The following PLAAT3 variants were observed in gnomAD, a reference collection of about 807,000 sequenced individuals.
PLAAT3 encodes the protein phospholipase A and acyltransferase 3, also known as Ca-independent phospholipase A1/2.
In PLAAT3, 21 loss-of-function variants were observed where a neutral mutation model predicts 16.7. That is an observed-to-expected ratio of 1.26 (90% CI 0.89 to 1.81). The LOEUF is 1.81. Among genes scored for constraint, PLAAT3 ranks in the 40% most tolerant of loss-of-function variants. The pLI, the probability that PLAAT3 is intolerant of heterozygous loss-of-function variation, is 0.00. For synonymous variants in PLAAT3, 76 were observed against 81.7 expected, an observed-to-expected ratio of 0.93 and a Z score of 0.38; for missense variants, 219 against 213.7, an observed-to-expected ratio of 1.02 and a Z score of -0.16.
At chr11:63,593,661 T>C (rs1261507227) in intron 3 of PLAAT3, among the ~76,000 whole-genome samples, 1 of 124,138 alleles carries the variant, frequency 8.1e-6, no homozygotes, top group African/African-American at 2.7e-5. Context: ...CTCCGCCTCC[T>C]GCTCGTGCCT....
At chr11:63,596,931 A>C (rs1416694220) in intron 3 of PLAAT3, among the ~76,000 whole-genome samples, 1 of 151,806 alleles carries the variant, frequency 6.6e-6, no homozygotes, top group Admixed American at 6.6e-5. Context: ...ATCCATCTCT[A>C]CTAAAAATAG....
chr11:63,590,193 C>T lies in PLAAT3; in HGVS notation c.294G>A (p.Glu98=). 6.2e-7 allele frequency: 1 copy of T among 1,614,234 alleles called. No homozygotes were observed. The highest frequency in any genetic ancestry group is 1.1e-5 in the South Asian group (1 of 91,084). ...TGTAGAGCACCTCCTGCCCCACCAG[C>T]TCCTCCGCCCGCTGGATGATTTTGC... is the stretch of plus-strand genomic sequence containing the variant. ...PCSKIIQRAE[E]LVGQEVLYKL... The change falls in exon 4 of 5, where the codon GAG becomes GAA. Residue 98 remains glutamate (E), a synonymous_variant. Coordinates refer to ENST00000415826, the MANE Select transcript of PLAAT3 (RefSeq NM_001128203.2).
intron 1 of PLAAT3, 41 bp downstream of exon 1, chr11:63,614,344 C>A (rs1938777165): frequency 5.2e-6 from 2 of 382,170 alleles, no homozygotes; most frequent in East Asian, 9.1e-5. Context: ...GCACCTCGCC[C>A]GGCCTTATCG....
chr11:63,596,706 G>C (rs1027270875), intron 3 of PLAAT3, among the ~76,000 whole-genome samples: 7 of 151,950 alleles, frequency 4.6e-5, no homozygotes. Flanking sequence ...CATGTGTCAG[G>C]GGAGGGACTA....
intron 1 of PLAAT3, 79 bp downstream of exon 1, chr11:63,614,306 T>G (rs1232112668): frequency 2.2e-6 from 1 of 458,202 alleles, no homozygotes; most frequent in Admixed American, 4.1e-5. Context: ...TTAGATCTCT[T>G]CCTCGCGGAA....
At chr11:63,596,973 G>A (rs890525962) in intron 3 of PLAAT3, among the ~76,000 whole-genome samples, 4 of 151,972 alleles carry the variant, frequency 2.6e-5, no homozygotes, top group Non-Finnish European at 5.9e-5. Context: ...GCAGGTGCCT[G>A]TAATCCCAGC....
At chr11:63,615,154 A>ATATGTGTGTGTG (rs1309471402), upstream of PLAAT3, among the ~76,000 whole-genome samples, 8 of 96,902 alleles carry the variant, frequency 8.3e-5, 2 homozygotes, top group Non-Finnish European at 1.6e-4. Flanking sequence ...ATGTGTGTAT[A>ATATGTGTGTGTG]TATGTGTATA....
At position 63,610,311 on chromosome 11, in the gene PLAAT3, TTGC is replaced by T. The variant is rs1197585148; in HGVS notation, c.15+3686_15+3688del. 9.2e-5 allele frequency among the ~76,000 whole-genome samples: 14 copies of T among 152,148 alleles called. No individual in the cohort carries two copies. The East Asian group carries it at 2.7e-3, about 29-fold the overall frequency. On this transcript the variant is annotated intron_variant, in intron 2 of 4. Coordinates refer to ENST00000415826, the MANE Select transcript of PLAAT3 (RefSeq NM_001128203.2). Reference sequence around the variant, plus strand: ...TCCCCTGATGCCTCAGCAAAGCGAGTTGCTGCTGCCTCCACAGCCAAGCCATAG... The same window carrying T: ...TCCCCTGATGCCTCAGCAAAGCGAGTTGCTGCCTCCACAGCCAAGCCATAG...
At chr11:63,578,154 G>A (rs1722857) in intron 4 of PLAAT3, among the ~76,000 whole-genome samples, 85,874 of 151,536 alleles carry the variant, frequency 0.57, 25,075 homozygotes, top group African/African-American at 0.68. Flanking sequence ...ATGGTGGTGC[G>A]CGCCTGTAAT....
rs552173121 is a variant in PLAAT3 at position 63,613,346 on chromosome 11, G to A, written c.15+654C>T. 2.2e-4 allele frequency among the ~76,000 whole-genome samples: 34 copies of A among 152,292 alleles called. 1 individual carries two copies. The South Asian group carries it at 5.0e-3, about 22-fold the overall frequency. ...GAATCGCTTGAACCCGAGAGGCGGA[G>A]GTCGCAGTGAGCCGAGATCATGCCA... On this transcript the variant is annotated intron_variant, in intron 2 of 4. Transcript: ENST00000415826.
chr11:63,609,459 ACTT>A (rs1938641215), intron 2 of PLAAT3, among the ~76,000 whole-genome samples: 1 of 152,200 alleles, frequency 6.6e-6, no homozygotes, highest in South Asian at 2.1e-4. Flanking sequence ...ACCTCTCTGA[ACTT>A]CTCTGGTAAA....
chr11:63,577,483 T>G (rs1399387924), intron 4 of PLAAT3, among the ~76,000 whole-genome samples: 2 of 152,168 alleles, frequency 1.3e-5, no homozygotes, highest in South Asian at 4.1e-4. Context: ...CAAGTGTACT[T>G]TTAATCATGA....
At chr11:63,589,952 CA>C in intron 4 of PLAAT3, 147 bp downstream of exon 4, 6 of 713,266 alleles carry the variant, frequency 8.4e-6, no homozygotes, top group African/African-American at 2.9e-5. Context: ...CCCTTGTCCC[CA>C]CCCTTGTCCC....
chr11:63,607,465 A>G (rs1298442656), intron 2 of PLAAT3, among the ~76,000 whole-genome samples: 1 of 151,956 alleles, frequency 6.6e-6, no homozygotes, highest in Non-Finnish European at 1.5e-5. Context: ...GTTCAAGGCC[A>G]GCCTGGGAAA....
At chr11:63,591,748 C>T (rs1938158922) in intron 3 of PLAAT3, among the ~76,000 whole-genome samples, 1 of 152,236 alleles carries the variant, frequency 6.6e-6, no homozygotes, top group African/African-American at 2.4e-5. Flanking sequence ...TTGGAAGATT[C>T]ATTGAAGTAA....
rs1410928740 is a variant in PLAAT3 at position 63,588,524 on chromosome 11, T to C, written c.387+1576A>G. ...TAACCTGACAATATTCAGGCACTAA[T>C]GAAGTTCTTCTCATGGCCCTGCCCA... On this transcript the variant is annotated intron_variant, in intron 4 of 4. Coordinates refer to ENST00000415826, the MANE Select transcript of PLAAT3 (RefSeq NM_001128203.2). Among the ~76,000 whole-genome samples the C allele has an allele frequency of 3.3e-5, 5 of 152,352 alleles. No individual in the cohort carries two copies. In the East Asian group the frequency reaches 7.7e-4, roughly 23 times the overall value.
rs78440432 is a variant in PLAAT3 at position 63,574,473 on chromosome 11, T to C, written c.*472A>G. ...CTTATAGCCGAGGACTTTTTTTTTT[T>C]CAACTCAGCTGAACATCTACAGACT... On this transcript the variant is annotated 3_prime_UTR_variant, in exon 5 of 5. Coordinates refer to ENST00000415826, the MANE Select transcript of PLAAT3 (RefSeq NM_001128203.2). The C allele has an allele frequency of 3.9e-5, 6 of 151,970 alleles. No homozygotes were observed. The highest frequency in any genetic ancestry group is 1.5e-4 in the African/African-American group (6 of 41,158). 9.4% of individuals were successfully genotyped at this position (151,970 alleles called of 1,614,324 possible). A position where few individuals can be genotyped will look rare whatever the true frequency, so the allele number is the denominator to read the frequency against.
At chr11:63,581,080 G>A (rs1040259325) in intron 4 of PLAAT3, among the ~76,000 whole-genome samples, 14 of 152,192 alleles carry the variant, frequency 9.2e-5, no homozygotes, top group Admixed American at 6.5e-4. Flanking sequence ...TCTTAATCAC[G>A]TTATCTTCGT....
At chr11:63,608,047 T>G (rs1938611010) in intron 2 of PLAAT3, among the ~76,000 whole-genome samples, 1 of 152,072 alleles carries the variant, frequency 6.6e-6, no homozygotes, top group Non-Finnish European at 1.5e-5. Flanking sequence ...TTAGGCGTAG[T>G]GGCACGTGCC....
Sources: gnomAD v4.1 joint callset for allele counts (sites outside exome capture counted in the v4.1 genomes callset) on GRCh38, gnomAD v4.1.1 for gene constraint, MANE v1.5 for transcripts, NCBI Gene and HGNC (gene_info 2026-07-23, HGNC 2026-07-21) for gene names.